Variants in DAB1 observed in about 807,000 individuals in gnomAD.
DAB1 encodes the protein DAB adaptor protein 1.
Under a neutral mutation model 64.6 loss-of-function variants are expected in DAB1, and 15 were observed. The ratio of observed to expected loss-of-function variants is 0.23; its 90% CI spans 0.16 to 0.36. The LOEUF (loss-of-function observed/expected upper bound fraction) is 0.36. Among genes scored for constraint, DAB1 ranks in the 10% least tolerant of loss-of-function variants. DAB1 has a pLI of 1.00. For missense variants in DAB1, 596 were observed against 706.7 expected, an observed-to-expected ratio of 0.84 and a Z score of 1.78; for synonymous variants, 235 against 251.9, an observed-to-expected ratio of 0.93 and a Z score of 0.64.
intron 2 of DAB1, among the ~76,000 whole-genome samples, chr1:57,209,972 C>T (rs1665873579): frequency 6.6e-6 from 1 of 152,218 alleles, no homozygotes; most frequent in African/African-American, 2.4e-5. Context: ...ATTGAAATCT[C>T]ATTTTAGCTT....
intron 5 of DAB1, among the ~76,000 whole-genome samples, chr1:57,898,429 A>T (rs1387784896): frequency 6.6e-6 from 1 of 152,212 alleles, no homozygotes; most frequent in Non-Finnish European, 1.5e-5. Flanking sequence ...ATAGACATGC[A>T]TCATGCTAGT....
intron 1 of DAB1, among the ~76,000 whole-genome samples, chr1:57,367,791 G>T (rs921496430): frequency 3.9e-5 from 6 of 152,132 alleles, no homozygotes; most frequent in African/African-American, 1.2e-4. Flanking sequence ...CCAAGTCATG[G>T]CTGCAGACCC....
intron 6 of DAB1, among the ~76,000 whole-genome samples, chr1:57,742,786 G>A (rs1648063715): frequency 6.6e-6 from 1 of 152,196 alleles, no homozygotes; most frequent in African/African-American, 2.4e-5. Flanking sequence ...GCTGACATCT[G>A]AAGGAGTGGT....
chr1:57,631,889 T>C (rs771917264), intron 7 of DAB1, among the ~76,000 whole-genome samples: 3 of 152,138 alleles, frequency 2.0e-5, no homozygotes, highest in African/African-American at 4.8e-5. Context: ...GCTGGTACCT[T>C]CCCTGCTCCA....
intron 3 of DAB1, among the ~76,000 whole-genome samples, chr1:58,353,108 C>T (rs1213657): frequency 0.034 from 5,156 of 152,040 alleles, 305 homozygotes; most frequent in African/African-American, 0.12. Context: ...ACCCTCATGC[C>T]ACTTTTCCCA....
intron 7 of DAB1, among the ~76,000 whole-genome samples, chr1:57,561,968 A>G (rs1176558358): frequency 1.3e-5 from 2 of 152,216 alleles, no homozygotes; most frequent in Non-Finnish European, 2.9e-5. Flanking sequence ...CCGATCCCAC[A>G]TGCAATGCTT....
At chr1:57,510,452 T>C (rs1644393852) in intron 7 of DAB1, among the ~76,000 whole-genome samples, 1 of 152,170 alleles carries the variant, frequency 6.6e-6, no homozygotes, top group Admixed American at 6.5e-5. Flanking sequence ...TATCTATACG[T>C]TCTCCTTGAG....
chr1:57,244,552 T>C (rs188504092), intron 2 of DAB1, among the ~76,000 whole-genome samples: 2 of 152,342 alleles, frequency 1.3e-5, no homozygotes, highest in East Asian at 3.9e-4. Context: ...GGTGGAAAAC[T>C]CTGTCTTGAG....
chr1:57,906,349 T>A (rs1471491366), intron 5 of DAB1, among the ~76,000 whole-genome samples: 2 of 152,168 alleles, frequency 1.3e-5, no homozygotes, highest in Non-Finnish European at 2.9e-5. Flanking sequence ...TTACCTTCAT[T>A]GAACATGAGG....
At chr1:57,030,173 G>A (rs1025133954) in intron 9 of DAB1, among the ~76,000 whole-genome samples, 1 of 152,120 alleles carries the variant, frequency 6.6e-6, no homozygotes, top group African/African-American at 2.4e-5. Flanking sequence ...AGATCTGATG[G>A]GTTTATCAGT....
Position 57,062,850 on chromosome 1 carries a change from C to T in DAB1, c.723+34G>A, listed in dbSNP as rs61364770. The T allele has an allele frequency of 3.5e-3, 5,619 of 1,588,038 alleles. 160 individuals carry two copies. In the African/African-American group the frequency reaches 0.064, roughly 18 times the overall value. On this transcript the variant is annotated intron_variant, in intron 9 of 14. Coordinates refer to ENST00000371236, the MANE Select transcript of DAB1 (RefSeq NM_001365792.1). Reference sequence around the variant, plus strand: ...ACAGCCTCAGTGTGAATCCAGGTCACGGAAACCTGGCAGTGGAGAGGAGAT... The same window carrying T: ...ACAGCCTCAGTGTGAATCCAGGTCATGGAAACCTGGCAGTGGAGAGGAGAT...
At chr1:57,398,807 T>G (rs192404083) in intron 1 of DAB1, among the ~76,000 whole-genome samples, 1 of 152,362 alleles carries the variant, frequency 6.6e-6, no homozygotes, top group South Asian at 2.1e-4. Flanking sequence ...ACAGCCATAC[T>G]GAAGCTTTGC....
At chr1:58,214,181 A>C (rs1226550902) in intron 4 of DAB1, among the ~76,000 whole-genome samples, 2 of 152,150 alleles carry the variant, frequency 1.3e-5, no homozygotes, top group Non-Finnish European at 2.9e-5. Flanking sequence ...CCTACATGCC[A>C]TGCCCTGCCA....
chr1:58,078,199 C>A (rs980592230), intron 5 of DAB1: 1 of 152,248 alleles, frequency 6.6e-6, no homozygotes, highest in African/African-American at 2.4e-5. Flanking sequence ...TGTAGAAAGT[C>A]TTCCACCACT....
At chr1:57,346,507 A>G (rs1303765085) in intron 1 of DAB1, among the ~76,000 whole-genome samples, 1 of 152,202 alleles carries the variant, frequency 6.6e-6, no homozygotes, top group Non-Finnish European at 1.5e-5. Context: ...TCTTCTACTT[A>G]TATTTTACTT....
chr1:57,255,335 G>A, intron 2 of DAB1, among the ~76,000 whole-genome samples: 1 of 152,080 alleles, frequency 6.6e-6, no homozygotes. Flanking sequence ...CCTCTAGCAT[G>A]ACAACTAATA....
chr1:58,516,077 G>A (rs1266284789), intron 2 of DAB1, among the ~76,000 whole-genome samples: 1 of 152,126 alleles, frequency 6.6e-6, no homozygotes, highest in East Asian at 1.9e-4. Flanking sequence ...AACAGGCTTT[G>A]GGGATTACTC....
At chr1:58,101,334 A>G (rs1164491102) in intron 5 of DAB1, among the ~76,000 whole-genome samples, 1 of 152,168 alleles carries the variant, frequency 6.6e-6, no homozygotes, top group African/African-American at 2.4e-5. Flanking sequence ...AAAATAAAAT[A>G]AAATAAAATA....
intron 6 of DAB1, among the ~76,000 whole-genome samples, chr1:57,791,576 G>A (rs1043009289): frequency 2.6e-5 from 4 of 152,106 alleles, no homozygotes; most frequent in African/African-American, 4.8e-5. Context: ...CTCATTCTTT[G>A]ATGATAATAA....
Sources: gnomAD v4.1 joint callset for allele counts (sites outside exome capture counted in the v4.1 genomes callset) on GRCh38, gnomAD v4.1.1 for gene constraint, MANE v1.5 for transcripts, NCBI Gene and HGNC (gene_info 2026-07-23, HGNC 2026-07-21) for gene names.